The following ATG7 variants were observed in gnomAD, a reference collection of about 807,000 sequenced individuals.
ATG7 encodes the protein ubiquitin-like modifier-activating enzyme ATG7.
A neutral mutation model predicts 82.4 loss-of-function variants in ATG7; 70 were observed. That is an observed-to-expected ratio of 0.85 (90% CI 0.70 to 1.04). The LOEUF (loss-of-function observed/expected upper bound fraction) is 1.04, where lower values mean the gene tolerates loss of function less well. ATG7 is among the 50% of genes least tolerant of loss of function. The pLI is 0.00. For missense variants in ATG7, 792 were observed against 864.3 expected (o/e 0.92, Z 1.05); for synonymous variants, 287 against 313.0 (o/e 0.92, Z 0.88).
rs1445966597 is a variant in ATG7, at chr3:11,341,667, C to T, written c.981-468C>T. 2.6e-5 allele frequency among the ~76,000 whole-genome samples: 4 copies of T among 152,010 alleles called. 1 individual carries two copies. In the South Asian group the frequency reaches 6.2e-4, roughly 24 times the overall value. On this transcript the variant is annotated intron_variant, in intron 12 of 20. Coordinates refer to ENST00000693202, the MANE Select transcript of ATG7 (RefSeq NM_001349232.2). ...TTTACCATGTTGGCTAGGCTGGTCTCGAACTCCTGACCTCAGGTGATCCGC... is the reference window on the plus strand; with the variant it reads ...TTTACCATGTTGGCTAGGCTGGTCTTGAACTCCTGACCTCAGGTGATCCGC...
chr3:11,399,086 G>A (rs1162736767), intron 19 of ATG7, among the ~76,000 whole-genome samples: 3 of 152,114 alleles, frequency 2.0e-5, no homozygotes, highest in Admixed American at 6.5e-5. Context: ...AGTGGCTCAC[G>A]CCTGTAATCC....
chr3:11,521,964 CTT>C (rs1163482067), intron 20 of ATG7, among the ~76,000 whole-genome samples: 4 of 152,176 alleles, frequency 2.6e-5, no homozygotes, highest in Non-Finnish European at 5.9e-5. Flanking sequence ...GCACTCAACT[CTT>C]TATGCCGTTG....
At chr3:11,425,008 G>T (rs1305179679) in intron 19 of ATG7, among the ~76,000 whole-genome samples, 1 of 152,030 alleles carries the variant, frequency 6.6e-6, no homozygotes, top group Admixed American at 6.6e-5. Flanking sequence ...TGTCACCCAG[G>T]TTGGAGTGCA....
chr3:11,558,961 C>A, downstream of ATG7: 1 of 1,087,930 alleles, frequency 9.2e-7, no homozygotes, highest in Admixed American at 2.4e-5. Context: ...CAGACAGAAC[C>A]CACCTCCCCC....
chr3:11,407,748 A>T (rs1039251884), intron 19 of ATG7, among the ~76,000 whole-genome samples: 3 of 151,994 alleles, frequency 2.0e-5, no homozygotes, highest in African/African-American at 7.3e-5. Context: ...CATGGCATGA[A>T]CTCTGTGTTG....
intron 19 of ATG7, among the ~76,000 whole-genome samples, chr3:11,418,443 C>A (rs528030588): frequency 6.6e-6 from 1 of 152,240 alleles, no homozygotes; most frequent in African/African-American, 2.4e-5. Flanking sequence ...TCTTTTATCT[C>A]CCTTTGCTGG....
chr3:11,467,951 A>G (rs1001032024), intron 20 of ATG7, among the ~76,000 whole-genome samples: 1 of 152,206 alleles, frequency 6.6e-6, no homozygotes, highest in Non-Finnish European at 1.5e-5. Context: ...AAATTTATAT[A>G]CAGTAGCTGA....
chr3:11,440,766 C>T (rs2083860983), intron 20 of ATG7, among the ~76,000 whole-genome samples: 1 of 129,268 alleles, frequency 7.7e-6, no homozygotes, highest in African/African-American at 2.9e-5. Flanking sequence ...TCACTGCAAC[C>T]TTTGCCTCCC....
rs111823189 is a variant in ATG7 at position 11,542,880 on chromosome 3, C to T, written c.2080-11931C>T. On this transcript the variant is annotated intron_variant, in intron 20 of 20. Coordinates refer to ENST00000693202, the MANE Select transcript of ATG7 (RefSeq NM_001349232.2). ...CTTCCTCTGGGTCTAGGTTCTGAGGCATGAGACTGTTCCTTCAGACTCCTA... is the reference window on the plus strand; with the variant it reads ...CTTCCTCTGGGTCTAGGTTCTGAGGTATGAGACTGTTCCTTCAGACTCCTA... Among the ~76,000 whole-genome samples the T allele has an allele frequency of 1.6e-3, 249 of 152,314 alleles. 2 individuals are homozygous for T. Among genetic ancestry groups the T allele is most frequent in the African/African-American group, 5.5e-3 (227 of 41,574 alleles).
intron 19 of ATG7, among the ~76,000 whole-genome samples, chr3:11,419,293 C>T (rs904114397): frequency 3.3e-5 from 5 of 152,152 alleles, no homozygotes; most frequent in African/African-American, 1.2e-4. Flanking sequence ...TGGCTAACAC[C>T]TGTAATCCCA....
chr3:11,552,234 C>G (rs1575304427), intron 20 of ATG7, among the ~76,000 whole-genome samples: 1 of 152,144 alleles, frequency 6.6e-6, no homozygotes, highest in East Asian at 1.9e-4. Context: ...GATCATTTTT[C>G]CTTAGGGTTG....
At chr3:11,525,448 A>ATTTTTTTT (rs11310291) in intron 20 of ATG7, among the ~76,000 whole-genome samples, 3 of 121,124 alleles carry the variant, frequency 2.5e-5, no homozygotes, top group African/African-American at 3.2e-5. Flanking sequence ...AAGACATGTG[A>ATTTTTTTT]TTTTTTTTTT....
At chr3:11,481,264 G>T (rs1479984027) in intron 20 of ATG7, among the ~76,000 whole-genome samples, 1 of 152,196 alleles carries the variant, frequency 6.6e-6, no homozygotes, top group Admixed American at 6.5e-5. Context: ...ACAACAGTGT[G>T]AATGCACTTA....
chr3:11,559,346 C>T (rs550826126), downstream of ATG7: 124 of 1,546,872 alleles, frequency 8.0e-5, no homozygotes, highest in Admixed American at 7.9e-4. Flanking sequence ...CGGTGGCCTC[C>T]GGTAGCTGGC....
At chr3:11,395,072 A>T (rs1032798185) in intron 19 of ATG7, among the ~76,000 whole-genome samples, 1 of 152,236 alleles carries the variant, frequency 6.6e-6, no homozygotes, top group Non-Finnish European at 1.5e-5. Flanking sequence ...AAACTCTAAA[A>T]TACGGCTTTC....
intron 3 of ATG7, among the ~76,000 whole-genome samples, chr3:11,289,560 G>T (rs1172542777): frequency 1.3e-5 from 2 of 152,122 alleles, no homozygotes; most frequent in Admixed American, 1.3e-4. Flanking sequence ...TTTCCCTAAG[G>T]CCAAATAAGT....
chr3:11,436,366 G>A (rs971761261), intron 20 of ATG7, among the ~76,000 whole-genome samples: 1 of 152,148 alleles, frequency 6.6e-6, no homozygotes, highest in Non-Finnish European at 1.5e-5. Flanking sequence ...CTACCTACTA[G>A]TGGGAGTGTC....
chr3:11,475,584 G>A (rs756269534), intron 20 of ATG7, among the ~76,000 whole-genome samples: 7 of 152,126 alleles, frequency 4.6e-5, no homozygotes, highest in South Asian at 2.1e-4. Context: ...TAAAACAGAC[G>A]CGGATGCTAC....
At chr3:11,336,332 C>A (rs1952483766) in intron 11 of ATG7, among the ~76,000 whole-genome samples, 1 of 152,118 alleles carries the variant, frequency 6.6e-6, no homozygotes, top group South Asian at 2.1e-4. Flanking sequence ...CACGTCCAGC[C>A]GATGCTGACA....
Sources: allele counts gnomAD v4.1 joint callset (sites outside exome capture counted in the v4.1 genomes callset), GRCh38; gene constraint gnomAD v4.1.1; transcripts MANE v1.5; gene names NCBI Gene and HGNC (gene_info 2026-07-23, HGNC 2026-07-21).